The following SLC24A2 variants were observed in gnomAD, a reference collection of about 807,000 sequenced individuals.
SLC24A2 encodes solute carrier family 24 member 2, also known as sodium/potassium/calcium exchanger 2.
Under a neutral mutation model 62.0 loss-of-function variants are expected in SLC24A2, and 36 were observed. That is an observed-to-expected ratio of 0.58 (90% confidence interval 0.44 to 0.77). The LOEUF is 0.77. Ranked by LOEUF, SLC24A2 falls within the 30% of genes least tolerant of loss-of-function variation. The pLI is 0.00. For missense variants in SLC24A2, 846 were observed against 817.9 expected (o/e 1.03, Z -0.42); for synonymous variants, 358 against 294.0 (o/e 1.22, Z -2.23).
chr9:20,044,189 G>T, the SLC24A2 span, among the ~76,000 whole-genome samples: 13 of 151,836 alleles, frequency 8.6e-5, no homozygotes, highest in Non-Finnish European at 1.8e-4. Context: ...TATACATAAT[G>T]GTATTCCACA....
chr9:19,921,163 C>G, the SLC24A2 span, among the ~76,000 whole-genome samples: 1 of 151,906 alleles, frequency 6.6e-6, no homozygotes, highest in Non-Finnish European at 1.5e-5. Flanking sequence ...CTGTCTTCTC[C>G]TCACCTTTAT....
At chr9:20,145,409 C>A in the SLC24A2 span, among the ~76,000 whole-genome samples, 1,734 of 152,156 alleles carry the variant, frequency 0.011, 18 homozygotes, top group Non-Finnish European at 0.018. Context: ...CTCTCAGTTT[C>A]CTAGAAGCCC....
chr9:20,022,904 C>G, the SLC24A2 span, among the ~76,000 whole-genome samples: 1 of 152,124 alleles, frequency 6.6e-6, no homozygotes, highest in Non-Finnish European at 1.5e-5. Context: ...TGCATGTTCA[C>G]CACATTAATG....
At chr9:20,249,316 T>C in the SLC24A2 span, among the ~76,000 whole-genome samples, 50,682 of 152,002 alleles carry the variant, frequency 0.33, 10,969 homozygotes, top group East Asian at 0.76. Flanking sequence ...CTGTGAACCA[T>C]GGACAGTTTA....
the SLC24A2 span, among the ~76,000 whole-genome samples, chr9:20,231,511 T>G: frequency 6.6e-6 from 1 of 152,186 alleles, no homozygotes; most frequent in African/African-American, 2.4e-5. Flanking sequence ...GAATGGGAGT[T>G]TACTCATGAT....
At chr9:20,152,539 C>T in the SLC24A2 span, among the ~76,000 whole-genome samples, 1 of 151,848 alleles carries the variant, frequency 6.6e-6, no homozygotes, top group Non-Finnish European at 1.5e-5. Flanking sequence ...GAACTTTCCC[C>T]ATCCATCTTA....
the SLC24A2 span, among the ~76,000 whole-genome samples, chr9:20,202,067 G>C: frequency 6.8e-6 from 1 of 147,142 alleles, no homozygotes; most frequent in Non-Finnish European, 1.5e-5. Flanking sequence ...GTGTGTGTGT[G>C]TGTGTGTGTG....
the SLC24A2 span, among the ~76,000 whole-genome samples, chr9:20,024,612 T>A: frequency 7.9e-6 from 1 of 126,182 alleles, no homozygotes; most frequent in South Asian, 3.3e-4. Flanking sequence ...GATTAGTAGG[T>A]TCTCTGATAA....
chr9:20,186,947 G>T, the SLC24A2 span, among the ~76,000 whole-genome samples: 1,561 of 152,236 alleles, frequency 0.01, 24 homozygotes, highest in African/African-American at 0.034. Context: ...TGGGGATCAA[G>T]TTCTGAGTCT....
the SLC24A2 span, among the ~76,000 whole-genome samples, chr9:20,208,516 A>G: frequency 6.6e-6 from 1 of 152,222 alleles, no homozygotes; most frequent in Non-Finnish European, 1.5e-5. Context: ...TTTTCTTCAG[A>G]TGTATTTCTC....
In SLC24A2 at chr9:19,786,956, T is replaced by G; in HGVS notation, c.-90A>C. On this transcript the variant is annotated 5_prime_UTR_variant, in exon 2 of 11. Coordinates refer to ENST00000341998, the MANE Select transcript of SLC24A2 (RefSeq NM_020344.4). The surrounding 1 kb of genome is among the most constrained non-coding windows in gnomAD (Gnocchi z 5.0). ...CTTTTCCTTACTTTATAGTTAACGA[T>G]GCTTGTGGGGTACTTTCACAATCAG... 6.5e-7 allele frequency: 1 copy of G among 1,541,398 alleles called. No homozygotes were observed. The highest frequency in any genetic ancestry group is 8.7e-7 in the Non-Finnish European group (1 of 1,150,390).
chr9:20,048,553 A>G, the SLC24A2 span, among the ~76,000 whole-genome samples: 1 of 152,234 alleles, frequency 6.6e-6, no homozygotes, highest in Non-Finnish European at 1.5e-5. Flanking sequence ...AGTCTGAAAA[A>G]TATTCTTCTT....
the SLC24A2 span, among the ~76,000 whole-genome samples, chr9:20,134,904 T>C: frequency 6.6e-6 from 1 of 152,240 alleles, no homozygotes; most frequent in Non-Finnish European, 1.5e-5. Flanking sequence ...CAAAAAGTCA[T>C]CTTTTTTCTT....
intron 8 of SLC24A2, among the ~76,000 whole-genome samples, 172 bp downstream of exon 8, chr9:19,549,959 CCTTAAA>C (rs1194922202): frequency 2.6e-5 from 4 of 152,144 alleles, no homozygotes; most frequent in Admixed American, 1.3e-4. Flanking sequence ...TTCTCTTTTT[CCTTAAA>C]CTTAAATATT....
chr9:19,735,513 AC>A (rs1821480968), intron 2 of SLC24A2, among the ~76,000 whole-genome samples: 1 of 152,148 alleles, frequency 6.6e-6, no homozygotes, highest in Admixed American at 6.6e-5. Flanking sequence ...CTGGGTATAT[AC>A]CCAAAGGATT....
the SLC24A2 span, among the ~76,000 whole-genome samples, chr9:20,125,608 C>G: frequency 6.6e-6 from 1 of 152,264 alleles, no homozygotes; most frequent in Admixed American, 6.5e-5. Flanking sequence ...TGTGTCCCCT[C>G]ATTCCACTGG....
chr9:20,158,990 G>T, the SLC24A2 span, among the ~76,000 whole-genome samples: 2 of 151,556 alleles, frequency 1.3e-5, no homozygotes, highest in African/African-American at 2.4e-5. Flanking sequence ...CAGACAAAAT[G>T]ATCAAATTAT....
chr9:19,915,828 T>A, the SLC24A2 span, among the ~76,000 whole-genome samples: 1 of 152,054 alleles, frequency 6.6e-6, no homozygotes, highest in African/African-American at 2.4e-5. Context: ...ATATTCTGGA[T>A]ATATATGATA....
the SLC24A2 span, among the ~76,000 whole-genome samples, chr9:19,888,834 G>T: frequency 6.6e-6 from 1 of 152,152 alleles, no homozygotes; most frequent in African/African-American, 2.4e-5. Context: ...AGGGTAGAAT[G>T]GGACAGGAAA....
Sources: gnomAD v4.1 joint callset for allele counts (sites outside exome capture counted in the v4.1 genomes callset) on GRCh38, gnomAD v4.1.1 for gene constraint, Gnocchi (gnomAD v3.1) non-coding constraint, MANE v1.5 for transcripts, NCBI Gene and HGNC (gene_info 2026-07-23, HGNC 2026-07-21) for gene names.